The following EYS variants were observed in gnomAD, a reference collection of about 807,000 sequenced individuals.
The protein encoded by EYS is protein eyes shut homolog.
Under a neutral mutation model 282.1 loss-of-function variants are expected in EYS, and 250 were observed. The observed-to-expected ratio is 0.89, with a 90% CI of 0.80 to 0.98. EYS has a LOEUF of 0.98. Among genes scored for constraint, EYS ranks in the 50% least tolerant of loss-of-function variants. The pLI, the probability that EYS is intolerant of heterozygous loss-of-function variation, is 0.00. For synonymous variants in EYS, 1,355 were observed against 1,282.9 expected, an observed-to-expected ratio of 1.06 and a Z score of -1.20; for missense variants, 4,016 against 3,709.0, an observed-to-expected ratio of 1.08 and a Z score of -2.15.
At chr6:65,633,418 G>C (rs1325740996) in intron 2 of EYS, among the ~76,000 whole-genome samples, 2 of 152,204 alleles carry the variant, frequency 1.3e-5, no homozygotes, top group South Asian at 2.1e-4. Context: ...GTGAATACCA[G>C]AGAGTTTTCA....
chr6:65,261,700 A>G (rs1767624853), intron 12 of EYS, among the ~76,000 whole-genome samples: 1 of 152,078 alleles, frequency 6.6e-6, no homozygotes, highest in Non-Finnish European at 1.5e-5. Flanking sequence ...TTCTAAATCT[A>G]TACTGCTTTG....
intron 12 of EYS, among the ~76,000 whole-genome samples, chr6:65,183,177 G>C (rs567270674): frequency 1.1e-4 from 16 of 151,958 alleles, no homozygotes; most frequent in Non-Finnish European, 2.1e-4. Flanking sequence ...ATAAAGGACA[G>C]TATTTTTTCG....
At chr6:64,481,420 AT>A (rs35920870) in intron 26 of EYS, among the ~76,000 whole-genome samples, 2 of 148,900 alleles carry the variant, frequency 1.3e-5, no homozygotes, top group Non-Finnish European at 3.0e-5. Context: ...AAAATACAGA[AT>A]TTTTTTTTCT....
intron 12 of EYS, among the ~76,000 whole-genome samples, chr6:65,266,939 G>GATAT (rs10571040): frequency 6.6e-4 from 92 of 140,046 alleles, no homozygotes; most frequent in Non-Finnish European, 8.9e-4. Flanking sequence ...CACAAACATT[G>GATAT]ATATATATAT....
chr6:64,553,921 A>G (rs1765166958), intron 26 of EYS, among the ~76,000 whole-genome samples: 1 of 152,090 alleles, frequency 6.6e-6, no homozygotes, highest in Non-Finnish European at 1.5e-5. Flanking sequence ...TTACTATAAG[A>G]CTTTAAGCCA....
chr6:65,378,802 C>T (rs990564357), intron 8 of EYS, among the ~76,000 whole-genome samples: 1 of 152,064 alleles, frequency 6.6e-6, no homozygotes, highest in Non-Finnish European at 1.5e-5. Context: ...CCGAACACCA[C>T]ATGTTCTCAC....
At chr6:65,564,707 G>T (rs1334979310) in intron 2 of EYS, among the ~76,000 whole-genome samples, 1 of 152,148 alleles carries the variant, frequency 6.6e-6, no homozygotes, top group Non-Finnish European at 1.5e-5. Flanking sequence ...TCAGGACATA[G>T]GGATGGGCAA....
rs188036688 is a variant in EYS, at chr6:63,978,558, G to A, written c.7055+5825C>T. Among the ~76,000 whole-genome samples, 214 of 152,026 alleles carry A rather than the reference G, an allele frequency of 1.4e-3. 1 individual carries two copies. Among genetic ancestry groups the A allele is most frequent in the African/African-American group, 4.9e-3 (204 of 41,532 alleles). On this transcript the variant is annotated intron_variant, in intron 35 of 42. Coordinates refer to ENST00000503581, the MANE Select transcript of EYS (RefSeq NM_001142800.2). ...TTCCTGTGGTATTTAGAAGAATAGG[G>A]TAGACTGCTGAGCTAGATTTGGGGT...
Position 64,452,613 on chromosome 6 carries a change from A to G in EYS, c.5645-13261T>C, listed in dbSNP as rs960551938. ...ACACTACCTGACTTCAAACTATACTACAAGGCTACAGTAACCAAAACAGCA... is the reference window on the plus strand; with the variant it reads ...ACACTACCTGACTTCAAACTATACTGCAAGGCTACAGTAACCAAAACAGCA... On this transcript the variant is annotated intron_variant, in intron 26 of 42. Transcript: ENST00000503581. 1.6e-3 allele frequency among the ~76,000 whole-genome samples: 237 copies of G among 152,244 alleles called. 1 individual carries two copies. The highest frequency in any genetic ancestry group is 5.5e-3 in the African/African-American group (227 of 41,550).
chr6:64,280,970 GTATC>G lies in EYS; in HGVS notation c.6191+25996_6191+25999del, dbSNP rs1257794345. ...ATGAATGTTTCCTTTGTTGGTAAAAGTATCTGTCTTTCTGCAGCAACTAACTATG... is the reference window on the plus strand; with the variant it reads ...ATGAATGTTTCCTTTGTTGGTAAAAGTGTCTTTCTGCAGCAACTAACTATG... On this transcript the variant is annotated intron_variant, in intron 30 of 42. Transcript: ENST00000503581. Among the ~76,000 whole-genome samples the G allele has an allele frequency of 1.8e-4, 28 of 152,190 alleles. 1 individual carries two copies. In the South Asian group the frequency reaches 5.2e-3, roughly 28 times the overall value.
intron 31 of EYS, among the ~76,000 whole-genome samples, chr6:64,113,706 T>C (rs1271158820): frequency 3.3e-5 from 5 of 152,218 alleles, no homozygotes; most frequent in Admixed American, 3.3e-4. Context: ...AACTTTACCA[T>C]GGGAAGCATC....
chr6:65,382,309 T>C lies in EYS; in HGVS notation c.1299+2077A>G, dbSNP rs146559796. Among the ~76,000 whole-genome samples, 1,065 of 151,628 alleles carry C rather than the reference T, an allele frequency of 7.0e-3. 6 individuals carry two copies. Among genetic ancestry groups the C allele is most frequent in the Middle Eastern group, 0.02 (6 of 294 alleles). On this transcript the variant is annotated intron_variant, in intron 8 of 42. Transcript: ENST00000503581. The stretch of plus-strand genomic sequence containing the variant: ...TTATGCTTCATGTCAAATTAATTAT[T>C]GTGTGGTTTGACGTAGGGGATATGG...
At chr6:65,130,581 ATAAGTGG>A in intron 12 of EYS, among the ~76,000 whole-genome samples, 1 of 151,924 alleles carries the variant, frequency 6.6e-6, no homozygotes, top group Non-Finnish European at 1.5e-5. Context: ...ATTGTCACTT[ATAAGTGG>A]GAGCTAAATA....
Position 64,857,162 on chromosome 6 carries a change from G to A in EYS, c.2992+29535C>T, listed in dbSNP as rs574183654. Among the ~76,000 whole-genome samples the A allele has an allele frequency of 4.6e-5, 7 of 152,226 alleles. No individual in the cohort carries two copies. The South Asian group carries it at 1.5e-3, about 32-fold the overall frequency. ...ATACTTCCAACAATACCATAATAAA[G>A]TATAGTAAGTAAGCTTAGATTGTTG... is the stretch of plus-strand genomic sequence containing the variant. On this transcript the variant is annotated intron_variant, in intron 19 of 42. Coordinates refer to ENST00000503581, the MANE Select transcript of EYS (RefSeq NM_001142800.2).
chr6:65,361,141 C>G (rs1451810997), intron 8 of EYS, among the ~76,000 whole-genome samples: 3 of 151,362 alleles, frequency 2.0e-5, no homozygotes, highest in Non-Finnish European at 4.4e-5. Context: ...TGTTCTCACT[C>G]ATAGGTGGGA....
intron 28 of EYS, among the ~76,000 whole-genome samples, chr6:64,432,501 C>A (rs570041959): frequency 6.0e-4 from 91 of 150,674 alleles, no homozygotes; most frequent in Admixed American, 1.1e-3. Flanking sequence ...AAGGCAAACT[C>A]AATTATTATG....
intron 28 of EYS, among the ~76,000 whole-genome samples, chr6:64,424,343 A>G (rs1033163309): frequency 1.3e-5 from 2 of 152,230 alleles, no homozygotes; most frequent in African/African-American, 2.4e-5. Context: ...CATTTAAAAC[A>G]CTGATATTTT....
intron 37 of EYS, among the ~76,000 whole-genome samples, chr6:63,795,338 T>C (rs1193655402): frequency 6.6e-6 from 1 of 152,152 alleles, no homozygotes; most frequent in East Asian, 1.9e-4. Context: ...AAGTGGATGG[T>C]GGCATTGTTA....
intron 12 of EYS, among the ~76,000 whole-genome samples, chr6:65,147,670 C>T (rs571314822): frequency 7.2e-5 from 11 of 152,082 alleles, no homozygotes; most frequent in African/African-American, 2.7e-4. Flanking sequence ...CTAAATAGAA[C>T]ATAGATAGGT....
Sources: allele counts gnomAD v4.1 joint callset (sites outside exome capture counted in the v4.1 genomes callset), GRCh38; gene constraint gnomAD v4.1.1; transcripts MANE v1.5; gene names NCBI Gene and HGNC (gene_info 2026-07-23, HGNC 2026-07-21).